Variants in GRID1 observed in about 807,000 individuals in gnomAD.
GRID1 encodes the protein glutamate ionotropic receptor delta type subunit 1, also known as glutamate receptor ionotropic, delta-1.
In GRID1, 28 loss-of-function variants were observed where a neutral mutation model predicts 98.0. That is an observed-to-expected ratio of 0.29 (90% CI 0.21 to 0.39). The LOEUF is 0.39. Among genes scored for constraint, GRID1 ranks in the 10% least tolerant of loss-of-function variants. The pLI, the probability that GRID1 is intolerant of heterozygous loss-of-function variation, is 1.00. For missense variants in GRID1, 1,111 were observed against 1,340.5 expected (o/e 0.83, Z 2.67); for synonymous variants, 553 against 538.5 (o/e 1.03, Z -0.37).
chr10:86,335,834 G>A (rs1848213855), intron 2 of GRID1, among the ~76,000 whole-genome samples: 2 of 152,174 alleles, frequency 1.3e-5, no homozygotes, highest in South Asian at 2.1e-4. Context: ...CACTTCCCAT[G>A]GCCACTTCTC....
intron 4 of GRID1, among the ~76,000 whole-genome samples, chr10:86,055,770 G>A (rs555606681): frequency 6.6e-6 from 1 of 151,890 alleles, no homozygotes; most frequent in Non-Finnish European, 1.5e-5. Context: ...GAAGGAGAAG[G>A]AGAAGGAGAA....
chr10:86,082,910 T>C (rs1843997804), intron 4 of GRID1, among the ~76,000 whole-genome samples: 1 of 152,088 alleles, frequency 6.6e-6, no homozygotes, highest in African/African-American at 2.4e-5. Context: ...ACAGAGCGGG[T>C]GGAAGCAGCT....
At chr10:85,893,751 C>G (rs1384672172) in intron 5 of GRID1, among the ~76,000 whole-genome samples, 1 of 152,128 alleles carries the variant, frequency 6.6e-6, no homozygotes, top group African/African-American at 2.4e-5. Context: ...AAAAGATATG[C>G]TTTGTTCATG....
chr10:85,847,240 C>T (rs774301952), intron 8 of GRID1, among the ~76,000 whole-genome samples: 4 of 152,220 alleles, frequency 2.6e-5, no homozygotes, highest in Non-Finnish European at 5.9e-5. Flanking sequence ...ACAGTTTGAA[C>T]TGCCATAGTC....
intron 6 of GRID1, among the ~76,000 whole-genome samples, chr10:85,857,053 G>A (rs1192837759): frequency 1.3e-5 from 2 of 152,208 alleles, no homozygotes; most frequent in Admixed American, 6.5e-5. Context: ...CGCCGGACAC[G>A]CCTAGGGTGA....
At chr10:86,328,833 T>G (rs1168032751) in intron 2 of GRID1, among the ~76,000 whole-genome samples, 1 of 151,688 alleles carries the variant, frequency 6.6e-6, no homozygotes, top group African/African-American at 2.4e-5. Context: ...CTCCCAGGAC[T>G]TGGGGACTCT....
intron 2 of GRID1, among the ~76,000 whole-genome samples, chr10:86,317,666 G>A (rs1847917748): frequency 6.6e-6 from 1 of 152,036 alleles, no homozygotes; most frequent in South Asian, 2.1e-4. Flanking sequence ...AAAGCAAGAG[G>A]GTCCCCATTC....
chr10:85,702,604 T>C (rs1294618826), intron 12 of GRID1, among the ~76,000 whole-genome samples: 1 of 152,020 alleles, frequency 6.6e-6, no homozygotes, highest in Non-Finnish European at 1.5e-5. Context: ...ATTAATGGCA[T>C]ATCAACCAAC....
At chr10:86,065,105 C>A (rs1843700516) in intron 4 of GRID1, among the ~76,000 whole-genome samples, 1 of 152,328 alleles carries the variant, frequency 6.6e-6, no homozygotes, top group East Asian at 1.9e-4. Context: ...AGGGCCACCA[C>A]CCGGCCTCCC....
intron 4 of GRID1, among the ~76,000 whole-genome samples, chr10:85,995,364 C>T (rs1842728520): frequency 6.6e-6 from 1 of 152,216 alleles, no homozygotes; most frequent in Admixed American, 6.5e-5. Context: ...AATCTGTTGG[C>T]TCTGCCTTAG....
chr10:85,917,309 T>C (rs1373500844), intron 4 of GRID1, among the ~76,000 whole-genome samples: 1 of 151,580 alleles, frequency 6.6e-6, no homozygotes, highest in Admixed American at 6.6e-5. Context: ...AAAAAAAAAA[T>C]GCAGAAACAT....
intron 12 of GRID1, among the ~76,000 whole-genome samples, chr10:85,701,422 T>C (rs887791153): frequency 7.2e-5 from 11 of 152,284 alleles, no homozygotes; most frequent in African/African-American, 2.6e-4. Flanking sequence ...TGGTTTCTCT[T>C]ACTGTTGTTG....
chr10:85,772,995 C>T (rs1842288868), intron 8 of GRID1, among the ~76,000 whole-genome samples: 1 of 152,194 alleles, frequency 6.6e-6, no homozygotes, highest in African/African-American at 2.4e-5. Context: ...CATCCTGATA[C>T]CAAAGCCGGG....
intron 8 of GRID1, among the ~76,000 whole-genome samples, chr10:85,737,266 A>C (rs1046777821): frequency 6.6e-6 from 1 of 152,180 alleles, no homozygotes; most frequent in Non-Finnish European, 1.5e-5. Context: ...AGAAACTAAA[A>C]GAAGAGTGAA....
At chr10:85,925,403 C>T (rs899895798) in intron 4 of GRID1, among the ~76,000 whole-genome samples, 1 of 152,172 alleles carries the variant, frequency 6.6e-6, no homozygotes, top group African/African-American at 2.4e-5. Flanking sequence ...TATTTATGCC[C>T]ACCCTGGTTT....
intron 4 of GRID1, among the ~76,000 whole-genome samples, chr10:86,036,478 CA>C (rs1843263647): frequency 6.6e-6 from 1 of 152,180 alleles, no homozygotes; most frequent in Non-Finnish European, 1.5e-5. Flanking sequence ...GCACTGTGAC[CA>C]CATCGCCGTT....
chr10:86,231,109 G>C (rs965695522), intron 2 of GRID1, among the ~76,000 whole-genome samples: 5 of 152,196 alleles, frequency 3.3e-5, no homozygotes, highest in African/African-American at 1.2e-4. Context: ...AGGGAGAACT[G>C]CCTGCCCAGC....
intron 4 of GRID1, among the ~76,000 whole-genome samples, chr10:86,098,600 T>C (rs1844253346): frequency 6.6e-6 from 1 of 152,242 alleles, no homozygotes; most frequent in South Asian, 2.1e-4. Flanking sequence ...TAGTTCCAGA[T>C]ACTCATTACT....
intron 4 of GRID1, among the ~76,000 whole-genome samples, chr10:86,043,700 A>G (rs1293520699): frequency 6.6e-6 from 1 of 152,256 alleles, no homozygotes; most frequent in Non-Finnish European, 1.5e-5. Context: ...CATCATAAAT[A>G]ATCCAACTAC....
Sources: gnomAD v4.1 joint callset for allele counts (sites outside exome capture counted in the v4.1 genomes callset) on GRCh38, gnomAD v4.1.1 for gene constraint, MANE v1.5 for transcripts, NCBI Gene and HGNC (gene_info 2026-07-23, HGNC 2026-07-21) for gene names.